The following WWOX variants were observed in gnomAD, a reference collection of about 807,000 sequenced individuals.
WWOX encodes WW domain-containing oxidoreductase.
Under a neutral mutation model 46.2 loss-of-function variants are expected in WWOX, and 69 were observed. The observed-to-expected ratio is 1.49, with a 90% CI of 1.23 to 1.82. The LOEUF is 1.82. Among genes scored for constraint, WWOX ranks in the 40% most tolerant of loss-of-function variants. The pLI, the probability that WWOX is intolerant of heterozygous loss-of-function variation, is 0.00. For missense variants in WWOX, 919 were observed against 542.6 expected (o/e 1.69, Z -6.89); for synonymous variants, 359 against 202.6 (o/e 1.77, Z -6.56).
chr16:78,962,888 C>G (rs564719438), intron 8 of WWOX, among the ~76,000 whole-genome samples: 3 of 152,184 alleles, frequency 2.0e-5, no homozygotes, highest in Non-Finnish European at 4.4e-5. Flanking sequence ...TAAATAGTCA[C>G]CCAGTACGCA....
intron 8 of WWOX, among the ~76,000 whole-genome samples, chr16:79,147,659 A>C (rs2050205822): frequency 2.6e-5 from 4 of 152,190 alleles, no homozygotes; most frequent in Admixed American, 2.6e-4. Context: ...TAGTTTGTAT[A>C]AGAAACTGTC....
chr16:78,773,528 A>G (rs540183321), intron 8 of WWOX, among the ~76,000 whole-genome samples: 1 of 152,312 alleles, frequency 6.6e-6, no homozygotes, highest in Non-Finnish European at 1.5e-5. Context: ...TGCTGTGTTG[A>G]TGGGAAAACG....
chr16:78,190,870 A>G (rs1300034743), intron 5 of WWOX, among the ~76,000 whole-genome samples: 1 of 152,106 alleles, frequency 6.6e-6, no homozygotes, highest in African/African-American at 2.4e-5. Context: ...GCTATACTTT[A>G]GTTCCCATTA....
intron 8 of WWOX, among the ~76,000 whole-genome samples, chr16:78,476,166 C>A (rs1283196414): frequency 2.6e-5 from 4 of 152,160 alleles, no homozygotes; most frequent in African/African-American, 9.7e-5. Flanking sequence ...ACTGGAGCAT[C>A]TAACTGGTGT....
chr16:78,720,077 C>T (rs924607814), intron 8 of WWOX, among the ~76,000 whole-genome samples: 2 of 152,064 alleles, frequency 1.3e-5, no homozygotes, highest in African/African-American at 2.4e-5. Context: ...TCAATTTAAT[C>T]GTATTGTTAT....
rs748074874 is a variant in WWOX at position 78,432,674 on chromosome 16, G to T, written c.978G>T (p.Met326Ile). ...CGAACGCAGTGCATCCTGGAAATAT[G>T]ATGTACTCCAACATTCATCGCAGCT... ...VTSNAVHPGN[M>I]MYSNIHRSWW... Residue 326 changes from methionine to isoleucine, a missense_variant, in exon 8 of 9, where the codon ATG becomes ATT. Met to Ile is a conservative substitution (Grantham distance 10). Coordinates refer to ENST00000566780, the MANE Select transcript of WWOX (RefSeq NM_016373.4). 8 of 1,614,208 alleles carry T rather than the reference G, an allele frequency of 5.0e-6. No individual in the cohort carries two copies. Among genetic ancestry groups the T allele is most frequent in the African/African-American group, 1.3e-5 (1 of 75,048 alleles).
chr16:79,007,377 G>A (rs917777507), intron 8 of WWOX, among the ~76,000 whole-genome samples: 1 of 152,156 alleles, frequency 6.6e-6, no homozygotes, highest in Admixed American at 6.5e-5. Flanking sequence ...CAGGCAAAAG[G>A]AATGGCAAAC....
intron 8 of WWOX, among the ~76,000 whole-genome samples, chr16:78,877,985 A>T (rs1364426167): frequency 6.6e-6 from 1 of 152,206 alleles, no homozygotes; most frequent in African/African-American, 2.4e-5. Context: ...TACAGGTCAG[A>T]TGATTTTGTT....
chr16:79,093,737 A>G (rs369524187), intron 8 of WWOX, among the ~76,000 whole-genome samples: 2 of 152,196 alleles, frequency 1.3e-5, no homozygotes, highest in African/African-American at 4.8e-5. Flanking sequence ...ATAATCAGAT[A>G]TTAGTTAAAC....
At chr16:78,377,372 C>G (rs773881902) in intron 5 of WWOX, among the ~76,000 whole-genome samples, 1 of 152,178 alleles carries the variant, frequency 6.6e-6, no homozygotes, top group Non-Finnish European at 1.5e-5. Context: ...TTATTTATTT[C>G]AGCTATTTTA....
chr16:78,624,685 T>G (rs72805028), intron 8 of WWOX, among the ~76,000 whole-genome samples: 7,717 of 152,254 alleles, frequency 0.051, 292 homozygotes, highest in Non-Finnish European at 0.074. Flanking sequence ...TGCAGCAAGA[T>G]TTTTCTCAAA....
At chr16:79,204,393 C>G (rs1462392362) in intron 8 of WWOX, 1 of 152,144 alleles carries the variant, frequency 6.6e-6, no homozygotes, top group Non-Finnish European at 1.5e-5. Flanking sequence ...GAAGCCGTTT[C>G]TTTTTCCTTC....
At chr16:78,485,396 T>C (rs570269166) in intron 8 of WWOX, among the ~76,000 whole-genome samples, 19 of 152,202 alleles carry the variant, frequency 1.2e-4, no homozygotes, top group African/African-American at 4.6e-4. Context: ...TGGGTTTCTT[T>C]TGAGGTTGAA....
Position 78,983,634 on chromosome 16 carries a change from C to A in WWOX, c.1057-227974C>A, listed in dbSNP as rs140053281. 8.5e-3 allele frequency among the ~76,000 whole-genome samples: 1,287 copies of A among 152,220 alleles called. 17 individuals are homozygous for A. Among genetic ancestry groups the A allele is most frequent in the African/African-American group, 0.029 (1,194 of 41,548 alleles). On this transcript the variant is annotated intron_variant, in intron 8 of 8. Transcript: ENST00000566780. ...TAGACTCTCCTGGTGTTAGATTTGGCCTTGTGACTTCCAGCCAATGGAATC... is the reference window on the plus strand; with the variant it reads ...TAGACTCTCCTGGTGTTAGATTTGGACTTGTGACTTCCAGCCAATGGAATC...
At chr16:78,596,720 G>T (rs953600247) in intron 8 of WWOX, among the ~76,000 whole-genome samples, 7 of 152,218 alleles carry the variant, frequency 4.6e-5, no homozygotes, top group Non-Finnish European at 1.5e-5. Flanking sequence ...CTAGTAGAAA[G>T]TAAGCGAAGC....
intron 8 of WWOX, among the ~76,000 whole-genome samples, chr16:78,530,197 C>T (rs934923621): frequency 6.6e-6 from 1 of 152,168 alleles, no homozygotes; most frequent in Non-Finnish European, 1.5e-5. Context: ...CCCTGAAACC[C>T]TAAAAGGAGT....
At chr16:78,946,808 G>A (rs2045957961) in intron 8 of WWOX, among the ~76,000 whole-genome samples, 1 of 152,118 alleles carries the variant, frequency 6.6e-6, no homozygotes, top group Non-Finnish European at 1.5e-5. Context: ...CAAGATTCTG[G>A]CGTAAGAACT....
At chr16:78,889,206 C>G (rs1435666353) in intron 8 of WWOX, among the ~76,000 whole-genome samples, 1 of 152,150 alleles carries the variant, frequency 6.6e-6, no homozygotes, top group Non-Finnish European at 1.5e-5. Flanking sequence ...CAGTCATTTT[C>G]TGTTTCCTTA....
At chr16:79,176,739 G>T (rs1278464483) in intron 8 of WWOX, among the ~76,000 whole-genome samples, 1 of 152,136 alleles carries the variant, frequency 6.6e-6, no homozygotes, top group African/African-American at 2.4e-5. Flanking sequence ...AGGCATAGTG[G>T]TATGTTCAGC....
Sources: allele counts gnomAD v4.1 joint callset (sites outside exome capture counted in the v4.1 genomes callset), GRCh38; gene constraint gnomAD v4.1.1; transcripts MANE v1.5; gene names NCBI Gene and HGNC (gene_info 2026-07-23, HGNC 2026-07-21).